Variants in ZNF626 observed in about 807,000 individuals in gnomAD.
ZNF626 encodes zinc finger protein 626.
ZNF626 carries 4 observed loss-of-function variants against 11.7 expected under a neutral mutation model. The observed-to-expected ratio is 0.34, with a 90% confidence interval of 0.17 to 0.78. ZNF626 has a LOEUF of 0.78. Among genes scored for constraint, ZNF626 ranks in the 30% least tolerant of loss-of-function variants. The pLI is 0.57. For missense variants in ZNF626, 588 were observed against 587.1 expected (o/e 1.00, Z -0.01); for synonymous variants, 179 against 198.6 (o/e 0.90, Z 0.83).
At chr19:20,630,445 C>T (rs1297790060) in intron 3 of ZNF626, among the ~76,000 whole-genome samples, 1 of 152,102 alleles carries the variant, frequency 6.6e-6, no homozygotes, top group African/African-American at 2.4e-5. Flanking sequence ...TGATTATTGC[C>T]TCAATTTCAG....
intron 3 of ZNF626, among the ~76,000 whole-genome samples, chr19:20,634,587 T>A (rs1599477359): frequency 6.6e-6 from 1 of 151,274 alleles, no homozygotes; most frequent in Admixed American, 6.6e-5. Flanking sequence ...GTGCGGTGGC[T>A]CAGGCCTGTA....
chr19:20,636,305 G>A (rs1011896366), intron 3 of ZNF626, among the ~76,000 whole-genome samples: 110 of 152,088 alleles, frequency 7.2e-4, no homozygotes, highest in African/African-American at 2.6e-3. Flanking sequence ...GCTCTTCACT[G>A]TCTTAAATTG....
rs958979084 is a variant in ZNF626 at position 20,622,279 on chromosome 19, C to T, written c.*2011G>A. 2 of 152,160 alleles carry T rather than the reference C, an allele frequency of 1.3e-5. No homozygotes were observed. The highest frequency in any genetic ancestry group is 4.8e-5 in the African/African-American group (2 of 41,442). 9.4% of individuals were successfully genotyped at this position (152,160 alleles called of 1,614,324 possible). A position where few individuals can be genotyped will look rare whatever the true frequency, so the allele number is the denominator to read the frequency against. ...AAATATATTGCATTTTATTACGTAA[C>T]AGTAAAATTAGTAAAATAATTGATA... is the stretch of plus-strand genomic sequence containing the variant. On this transcript the variant is annotated 3_prime_UTR_variant, in exon 4 of 4. Coordinates refer to ENST00000601440, the MANE Select transcript of ZNF626 (RefSeq NM_001076675.3).
rs782038969 is a variant in ZNF626 at position 20,624,217 on chromosome 19, G to C, written c.*73C>G. ...TTTTCCAGTATGAATTTTCTTATGT[G>C]TAGTAAGGTTAGAGAAATGCTTAAA... On this transcript the variant is annotated 3_prime_UTR_variant, in exon 4 of 4. Transcript: ENST00000601440. 21 of 1,608,550 alleles carry C rather than the reference G, an allele frequency of 1.3e-5. No homozygotes were observed. The South Asian group carries it at 2.3e-4, about 18-fold the overall frequency.
intron 3 of ZNF626, among the ~76,000 whole-genome samples, chr19:20,628,437 A>G (rs1434788912): frequency 6.6e-6 from 1 of 152,028 alleles, no homozygotes; most frequent in African/African-American, 2.4e-5. Flanking sequence ...CCTCTCCAGC[A>G]CCTGTTGTTT....
intron 1 of ZNF626, among the ~76,000 whole-genome samples, chr19:20,653,757 T>A (rs1385428379): frequency 6.6e-6 from 1 of 152,158 alleles, no homozygotes; most frequent in Admixed American, 6.5e-5. Context: ...CTCCTAGCCA[T>A]TGAATGGGGG....
At chr19:20,633,786 G>A (rs1969936284) in intron 3 of ZNF626, among the ~76,000 whole-genome samples, 1 of 152,158 alleles carries the variant, frequency 6.6e-6, no homozygotes, top group Admixed American at 6.5e-5. Context: ...ACAGTGCGCT[G>A]CACCCACCAT....
At chr19:20,661,191 G>A (rs1316612082) in intron 1 of ZNF626, among the ~76,000 whole-genome samples, 3 of 152,222 alleles carry the variant, frequency 2.0e-5, no homozygotes, top group Non-Finnish European at 2.9e-5. Flanking sequence ...CACGCTGCGG[G>A]TGCAGAGCTG....
chr19:20,640,206 T>C (rs1443080488), intron 3 of ZNF626, among the ~76,000 whole-genome samples: 1 of 139,580 alleles, frequency 7.2e-6, no homozygotes, highest in Non-Finnish European at 1.5e-5. Context: ...TTTAATTTTT[T>C]AATATTAAAT....
Position 20,623,975 on chromosome 19 carries a change from T to C in ZNF626, c.*315A>G, listed in dbSNP as rs893981309. ...TTTCATATCAATTCTTAGTTAGAAA[T>C]TGAGGGCTGGTTAAAAGATTTTCCC... On this transcript the variant is annotated 3_prime_UTR_variant, in exon 4 of 4. Transcript: ENST00000601440. 1 of 506,276 alleles carries C rather than the reference T, an allele frequency of 2.0e-6. No individual in the cohort carries two copies. The highest frequency in any genetic ancestry group is 1.9e-5 in the African/African-American group (1 of 51,756). The allele number at this position is 506,276 out of a possible 1,614,324, so 31.4% of individuals were successfully genotyped here.
intron 3 of ZNF626, among the ~76,000 whole-genome samples, chr19:20,634,795 ATAAAG>A (rs1969949401): frequency 6.6e-6 from 1 of 152,228 alleles, no homozygotes; most frequent in African/African-American, 2.4e-5. Flanking sequence ...TAAAGAGTTA[ATAAAG>A]TACTCAATAA....
intron 1 of ZNF626, among the ~76,000 whole-genome samples, chr19:20,646,710 T>C (rs571934540): frequency 2.8e-4 from 42 of 152,202 alleles, no homozygotes; most frequent in African/African-American, 9.2e-4. Context: ...ACAGAATGAG[T>C]TGTGAATATT....
intron 1 of ZNF626, among the ~76,000 whole-genome samples, chr19:20,659,879 C>T (rs1555773496): frequency 2.0e-5 from 3 of 152,102 alleles, no homozygotes; most frequent in South Asian, 4.1e-4. Flanking sequence ...GGCTTTGTAG[C>T]TTCTTTCAGA....
intron 3 of ZNF626, among the ~76,000 whole-genome samples, chr19:20,632,832 C>A (rs1969921792): frequency 6.6e-6 from 1 of 152,324 alleles, no homozygotes; most frequent in African/African-American, 2.4e-5. Context: ...TGGTGAGGAG[C>A]TGCGTTCCTT....
At position 20,624,292 on chromosome 19, in the gene ZNF626, A is replaced by G; in HGVS notation, c.1585T>C (p.Ter529GlnextTer84). The stretch of plus-strand genomic sequence containing the variant: ...GTAGAATTTCTCTCCAGTATGAATT[A>G]TCTTATGTGTAGTAAGGTGTGAGGA... The part of the protein sequence containing the change: ...SGPHTLLHIR[*>Q] Residue 529 changes from the stop codon to glutamine, a stop_lost, in exon 4 of 4, where the codon TAA (stop) becomes CAA (glutamine). Transcript: ENST00000601440. 6.2e-7 allele frequency: 1 copy of G among 1,613,138 alleles called. No individual in the cohort carries two copies. The highest frequency in any genetic ancestry group is 1.3e-5 in the African/African-American group (1 of 74,656).
chr19:20,631,037 TA>T (rs1286065961), intron 3 of ZNF626, among the ~76,000 whole-genome samples: 14 of 152,170 alleles, frequency 9.2e-5, no homozygotes, highest in African/African-American at 3.4e-4. Context: ...ATTTACCCAG[TA>T]GTCATTCAGG....
At chr19:20,654,071 TTAGATA>T (rs782196147) in intron 1 of ZNF626, among the ~76,000 whole-genome samples, 1 of 152,242 alleles carries the variant, frequency 6.6e-6, no homozygotes, top group African/African-American at 2.4e-5. Context: ...TCTTTGGATA[TTAGATA>T]TAAATATCTA....
At chr19:20,658,138 G>T (rs1280530475) in intron 1 of ZNF626, among the ~76,000 whole-genome samples, 2 of 152,178 alleles carry the variant, frequency 1.3e-5, no homozygotes, top group South Asian at 4.1e-4. Context: ...CTGCGTGGGA[G>T]AGAGTGCAAT....
intron 3 of ZNF626, among the ~76,000 whole-genome samples, chr19:20,633,940 C>G (rs565671929): frequency 6.6e-6 from 1 of 152,154 alleles, no homozygotes; most frequent in African/African-American, 2.4e-5. Flanking sequence ...CTCCTCCCCC[C>G]TCATGTAAAT....
Sources: allele counts gnomAD v4.1 joint callset (sites outside exome capture counted in the v4.1 genomes callset), GRCh38; gene constraint gnomAD v4.1.1; transcripts MANE v1.5; gene names NCBI Gene and HGNC (gene_info 2026-07-23, HGNC 2026-07-21).